Variants in SORCS2 observed in about 807,000 individuals in gnomAD.
The protein encoded by SORCS2 is sortilin related VPS10 domain containing receptor 2, also known as VPS10 domain-containing receptor SorCS2.
SORCS2 carries 100 observed loss-of-function variants against 141.6 expected under a neutral mutation model. The ratio of observed to expected loss-of-function variants is 0.71; its 90% CI spans 0.60 to 0.83. The LOEUF (loss-of-function observed/expected upper bound fraction) is 0.83, where lower values mean the gene tolerates loss of function less well. Among genes scored for constraint, SORCS2 ranks in the 40% least tolerant of loss-of-function variants. SORCS2 has a pLI of 0.00. For missense variants in SORCS2, 1,646 were observed against 1,560.2 expected (o/e 1.05, Z -0.93); for synonymous variants, 789 against 676.9 (o/e 1.17, Z -2.57).
rs529081933 is a variant in SORCS2 at position 7,273,412 on chromosome 4, T to C, written c.480+80286T>C. Among the ~76,000 whole-genome samples, 3 of 152,218 alleles carry C rather than the reference T, an allele frequency of 2.0e-5. No individual in the cohort carries two copies. The South Asian group carries it at 6.2e-4, about 32-fold the overall frequency. On this transcript the variant is annotated intron_variant, in intron 1 of 26. Transcript: ENST00000507866. ...CCCAGCTGAAAGCCACTTGCATCCA[T>C]CATTGCTGGAGGGCTGCTTCTGGAA...
intron 1 of SORCS2, among the ~76,000 whole-genome samples, chr4:7,349,201 G>A (rs1190075311): frequency 6.6e-6 from 1 of 152,186 alleles, no homozygotes; most frequent in East Asian, 1.9e-4. Flanking sequence ...CAGCATGGCT[G>A]GTGCTGGAAC....
At chr4:7,268,392 C>T (rs1202742667) in intron 1 of SORCS2, among the ~76,000 whole-genome samples, 1 of 152,164 alleles carries the variant, frequency 6.6e-6, no homozygotes, top group East Asian at 1.9e-4. Context: ...CAGGGAGCTT[C>T]CTGTCGGCCA....
At chr4:7,545,974 T>A (rs2109611760) in intron 3 of SORCS2, among the ~76,000 whole-genome samples, 1 of 152,320 alleles carries the variant, frequency 6.6e-6, no homozygotes, top group African/African-American at 2.4e-5. Context: ...GGCTGCCTTC[T>A]CGTTATCTTC....
chr4:7,585,375 C>G (rs765669250), intron 3 of SORCS2, among the ~76,000 whole-genome samples: 6 of 152,152 alleles, frequency 3.9e-5, no homozygotes, highest in Admixed American at 1.3e-4. Flanking sequence ...GAATGTGGAT[C>G]ACTGAAGTAC....
At chr4:7,482,124 C>CT (rs1395132064) in intron 2 of SORCS2, among the ~76,000 whole-genome samples, 1 of 40,732 alleles carries the variant, frequency 2.5e-5, no homozygotes, top group Non-Finnish European at 4.6e-5. Context: ...ACACCCCTGA[C>CT]GCTGTTCAGA....
intron 3 of SORCS2, among the ~76,000 whole-genome samples, chr4:7,589,498 G>A (rs1158796422): frequency 6.6e-6 from 1 of 152,172 alleles, no homozygotes; most frequent in Admixed American, 6.5e-5. Flanking sequence ...TACCTCCCGG[G>A]TTCAAGCGAT....
chr4:7,207,937 G>A (rs4689633), intron 1 of SORCS2, among the ~76,000 whole-genome samples: 27,824 of 151,988 alleles, frequency 0.18, 2,683 homozygotes, highest in East Asian at 0.31. Context: ...CGAGCAGAGG[G>A]CTGGGCAATG....
At chr4:7,279,780 T>C (rs1413858069) in intron 1 of SORCS2, among the ~76,000 whole-genome samples, 1 of 152,194 alleles carries the variant, frequency 6.6e-6, no homozygotes, top group African/African-American at 2.4e-5. Flanking sequence ...GTACCTGTTG[T>C]GGGTAACATT....
At chr4:7,322,092 G>T (rs1050568350) in intron 1 of SORCS2, among the ~76,000 whole-genome samples, 3 of 152,190 alleles carry the variant, frequency 2.0e-5, no homozygotes, top group African/African-American at 4.8e-5. Context: ...CATCAGACAG[G>T]TGGGGTTTAT....
At chr4:7,662,186 C>T (rs969378615) in intron 6 of SORCS2, among the ~76,000 whole-genome samples, 2 of 152,040 alleles carry the variant, frequency 1.3e-5, no homozygotes, top group Admixed American at 1.3e-4. Flanking sequence ...GCCAAGCTTT[C>T]GGGGGCAGGG....
At chr4:7,463,718 G>A (rs1051328114) in intron 2 of SORCS2, among the ~76,000 whole-genome samples, 14 of 152,330 alleles carry the variant, frequency 9.2e-5, no homozygotes, top group African/African-American at 2.2e-4. Flanking sequence ...TTGGGGAGAC[G>A]GTGGTGCCAC....
At chr4:7,368,894 G>A (rs1191396910) in intron 1 of SORCS2, among the ~76,000 whole-genome samples, 1 of 152,184 alleles carries the variant, frequency 6.6e-6, no homozygotes, top group Non-Finnish European at 1.5e-5. Context: ...AGTCTCACGA[G>A]ATCTGATGGT....
At chr4:7,388,953 C>T (rs2109093738) in intron 1 of SORCS2, among the ~76,000 whole-genome samples, 2 of 152,318 alleles carry the variant, frequency 1.3e-5, no homozygotes, top group Middle Eastern at 3.4e-3. Context: ...CCTCATTTCC[C>T]ATGCACAGCA....
chr4:7,531,720 T>C, intron 3 of SORCS2, 91 bp downstream of exon 3: 1 of 1,309,656 alleles, frequency 7.6e-7, no homozygotes, highest in South Asian at 1.3e-5. Flanking sequence ...TGCCCTGCTG[T>C]CTCCTACTTT....
intron 21 of SORCS2, among the ~76,000 whole-genome samples, chr4:7,728,063 C>T (rs1287578067): frequency 6.6e-6 from 1 of 152,226 alleles, no homozygotes; most frequent in Non-Finnish European, 1.5e-5. Context: ...TTATCATCAT[C>T]ACTGGCATCT....
intron 1 of SORCS2, among the ~76,000 whole-genome samples, chr4:7,217,787 G>A (rs1443648988): frequency 6.6e-6 from 1 of 152,218 alleles, no homozygotes; most frequent in African/African-American, 2.4e-5. Context: ...AGCCACGTGG[G>A]AAGCCTGTGG....
chr4:7,408,508 CT>C (rs1725117779), intron 2 of SORCS2, among the ~76,000 whole-genome samples: 1 of 151,824 alleles, frequency 6.6e-6, no homozygotes, highest in African/African-American at 2.4e-5. Flanking sequence ...TGCTTCTTTT[CT>C]CTTGCTGCTT....
intron 25 of SORCS2, among the ~76,000 whole-genome samples, chr4:7,734,869 C>G (rs1001513237): frequency 1.3e-5 from 2 of 152,208 alleles, no homozygotes; most frequent in Non-Finnish European, 2.9e-5. Context: ...GCCAGGCGCT[C>G]CCGTGGGGAG....
chr4:7,292,812 C>T (rs1054519814), intron 1 of SORCS2, among the ~76,000 whole-genome samples: 2 of 152,168 alleles, frequency 1.3e-5, no homozygotes, highest in Non-Finnish European at 2.9e-5. Context: ...AGATTGCACG[C>T]CTTGCTGTGA....
Sources: allele counts gnomAD v4.1 joint callset (sites outside exome capture counted in the v4.1 genomes callset), GRCh38; gene constraint gnomAD v4.1.1; transcripts MANE v1.5; gene names NCBI Gene and HGNC (gene_info 2026-07-23, HGNC 2026-07-21).